Variants in FMN2 observed in about 807,000 individuals in gnomAD.
FMN2 encodes formin-2.
FMN2 carries 51 observed loss-of-function variants against 142.3 expected under a neutral mutation model. The ratio of observed to expected loss-of-function variants is 0.36; its 90% CI spans 0.29 to 0.45. The LOEUF is 0.45. FMN2 is among the 20% of genes least tolerant of loss of function. The pLI is 1.00. For missense variants in FMN2, 1,936 were observed against 2,122.8 expected (o/e 0.91, Z 1.73); for synonymous variants, 882 against 869.8 (o/e 1.01, Z -0.25).
At chr1:240,461,397 A>G (rs1270308259) in intron 16 of FMN2, among the ~76,000 whole-genome samples, 3 of 152,170 alleles carry the variant, frequency 2.0e-5, no homozygotes, top group African/African-American at 7.2e-5. Flanking sequence ...TTGGCACATT[A>G]TAAGGTCTTG....
intron 14 of FMN2, among the ~76,000 whole-genome samples, chr1:240,361,139 G>GTATATATATA (rs1444875541): frequency 1.2e-3 from 11 of 9,542 alleles, no homozygotes; most frequent in Admixed American, 2.0e-3. Context: ...ATAAATATAT[G>GTATATATATA]TGTATATATA....
At chr1:240,311,904 C>T (rs147431218) in intron 8 of FMN2, among the ~76,000 whole-genome samples, 273 of 152,312 alleles carry the variant, frequency 1.8e-3, no homozygotes, top group African/African-American at 6.2e-3. Flanking sequence ...TAGCTCACTA[C>T]AGCCTTGAAC....
At chr1:240,135,694 T>TA (rs1662907755) in intron 2 of FMN2, among the ~76,000 whole-genome samples, 1 of 151,522 alleles carries the variant, frequency 6.6e-6, no homozygotes, top group South Asian at 2.1e-4. Context: ...TTTTTTTTTT[T>TA]TTTTGAGACA....
chr1:240,218,803 C>T (rs1374540975), intron 6 of FMN2, among the ~76,000 whole-genome samples: 1 of 152,088 alleles, frequency 6.6e-6, no homozygotes, highest in African/African-American at 2.4e-5. Context: ...CACAGAGGTT[C>T]TCTGGAGGGC....
intron 2 of FMN2, among the ~76,000 whole-genome samples, chr1:240,177,309 G>A (rs1396045635): frequency 1.3e-5 from 2 of 151,090 alleles, no homozygotes. Flanking sequence ...TCCAGATTCT[G>A]TTGGTCTGTA....
intron 16 of FMN2, among the ~76,000 whole-genome samples, chr1:240,444,922 C>T (rs576132829): frequency 1.1e-4 from 16 of 152,300 alleles, no homozygotes; most frequent in South Asian, 6.2e-4. Context: ...TTGCTGGATA[C>T]GTAAGTGAAA....
At chr1:240,139,105 A>G (rs1014155360) in intron 2 of FMN2, among the ~76,000 whole-genome samples, 2 of 152,164 alleles carry the variant, frequency 1.3e-5, no homozygotes, top group Non-Finnish European at 1.5e-5. Flanking sequence ...GATGCCAATG[A>G]TGCCGGTCGG....
intron 4 of FMN2, 22 bp from the exon 5 acceptor site, chr1:240,206,777 G>A: frequency 2.5e-6 from 4 of 1,596,092 alleles, no homozygotes; most frequent in Non-Finnish European, 3.4e-6. Context: ...AACTAACTGT[G>A]TCTGTCCTTG....
At chr1:240,447,030 A>G (rs1344976622) in intron 16 of FMN2, among the ~76,000 whole-genome samples, 1 of 152,214 alleles carries the variant, frequency 6.6e-6, no homozygotes, top group East Asian at 1.9e-4. Context: ...CTGAGAGATG[A>G]GGGAAGAGAT....
rs541652027 is a variant in FMN2, at chr1:240,341,842, G to T, written c.4765+7613G>T. Among the ~76,000 whole-genome samples, 61 of 152,274 alleles carry T rather than the reference G, an allele frequency of 4.0e-4. 1 individual carries two copies. The highest frequency in any genetic ancestry group is 1.5e-3 in the African/African-American group (61 of 41,528). The stretch of plus-strand genomic sequence containing the variant: ...AGTCTCCACACTAGTGAATGACTTG[G>T]CTGGGGTCTGGGCTGGGAAGCTGTG... On this transcript the variant is annotated intron_variant, in intron 13 of 17. Coordinates refer to ENST00000319653, the MANE Select transcript of FMN2 (RefSeq NM_020066.5).
intron 2 of FMN2, among the ~76,000 whole-genome samples, chr1:240,158,089 C>A (rs189206094): frequency 1.4e-3 from 207 of 151,956 alleles, no homozygotes; most frequent in African/African-American, 4.9e-3. Context: ...ATTCTAAGAG[C>A]ATCCCCTAAT....
At chr1:240,457,380 C>T (rs980266366) in intron 16 of FMN2, 1 of 152,190 alleles carries the variant, frequency 6.6e-6, no homozygotes, top group African/African-American at 2.4e-5. Context: ...CTTCTGCATG[C>T]TTCACTACGA....
At chr1:240,152,307 A>T (rs941539182) in intron 2 of FMN2, among the ~76,000 whole-genome samples, 12 of 43,672 alleles carry the variant, frequency 2.7e-4, no homozygotes, top group Non-Finnish European at 6.9e-4. Context: ...GAGCTCATTT[A>T]AAAAAAAAAA....
In FMN2 at chr1:240,474,514, T is replaced by C. The variant is rs1239094998; in HGVS notation, c.*360T>C. The C allele has an allele frequency of 5.4e-6, 1 of 186,040 alleles. No individual in the cohort carries two copies. The allele number at this position is 186,040 out of a possible 1,614,324, so 11.5% of individuals were successfully genotyped here. A position where few individuals can be genotyped will look rare whatever the true frequency, so the allele number is the denominator to read the frequency against. On this transcript the variant is annotated 3_prime_UTR_variant, in exon 18 of 18. Coordinates refer to ENST00000319653, the MANE Select transcript of FMN2 (RefSeq NM_020066.5). ...ATATTCCTCGTCACAGCAAAAACAC[T>C]TTCCTTTCTACTGACAACCAGTCCT...
At chr1:240,242,101 T>C (rs1558388836) in intron 6 of FMN2, among the ~76,000 whole-genome samples, 1 of 152,162 alleles carries the variant, frequency 6.6e-6, no homozygotes, top group Non-Finnish European at 1.5e-5. Flanking sequence ...TGCCTCGGCC[T>C]CCCAAAGTGC....
In FMN2 at chr1:240,159,974, T is replaced by TACAC. The variant is rs1185408892; in HGVS notation, c.1783-17925_1783-17922dup. ...ATCTATATCTGTGTATATATATATA[T>TACAC]ACACACACACACACACACACACACA... On this transcript the variant is annotated intron_variant, in intron 2 of 17. Coordinates refer to ENST00000319653, the MANE Select transcript of FMN2 (RefSeq NM_020066.5). 3.1e-3 allele frequency among the ~76,000 whole-genome samples: 418 copies of TACAC among 134,060 alleles called. 4 individuals are homozygous for TACAC. Among genetic ancestry groups the TACAC allele is most frequent in the African/African-American group, 0.01 (355 of 35,484 alleles). The allele number at this position is 134,060 out of a possible 152,430, so 87.9% of individuals were successfully genotyped here.
intron 6 of FMN2, among the ~76,000 whole-genome samples, chr1:240,211,796 A>G (rs1471591546): frequency 2.6e-5 from 4 of 152,236 alleles, no homozygotes; most frequent in Non-Finnish European, 5.9e-5. Flanking sequence ...TTGAGTCATA[A>G]AAAGAAAGAT....
At chr1:240,125,101 G>C (rs948413468) in intron 2 of FMN2, among the ~76,000 whole-genome samples, 2 of 152,222 alleles carry the variant, frequency 1.3e-5, no homozygotes, top group African/African-American at 2.4e-5. Flanking sequence ...CTGAGGTCAA[G>C]ATACGATAAT....
intron 2 of FMN2, among the ~76,000 whole-genome samples, 160 bp downstream of exon 2, chr1:240,123,505 C>CAAAAAAAAAAAAAAAAAAAA (rs71168901): frequency 9.3e-6 from 1 of 107,774 alleles, no homozygotes; most frequent in Non-Finnish European, 1.9e-5. Flanking sequence ...TGTTTGTACA[C>CAAAAAAAAAAAAAAAAAAAA]AAAAAAAAAA....
Sources: allele counts gnomAD v4.1 joint callset (sites outside exome capture counted in the v4.1 genomes callset), GRCh38; gene constraint gnomAD v4.1.1; transcripts MANE v1.5; gene names NCBI Gene and HGNC (gene_info 2026-07-23, HGNC 2026-07-21).